DLG2: variants seen among roughly 807,000 people sequenced by gnomAD.
The protein encoded by DLG2 is discs large MAGUK scaffold protein 2.
A neutral mutation model predicts 132.5 loss-of-function variants in DLG2; 45 were observed. That is an observed-to-expected ratio of 0.34 (90% CI 0.27 to 0.44). DLG2 has a LOEUF of 0.44. Among genes scored for constraint, DLG2 ranks in the 20% least tolerant of loss-of-function variants. DLG2 has a pLI of 1.00. For missense variants in DLG2, 1,045 were observed against 1,196.9 expected (o/e 0.87, Z 1.87); for synonymous variants, 424 against 419.6 (o/e 1.01, Z -0.13).
chr11:85,446,508 T>TA (rs1452439983), intron 3 of DLG2, among the ~76,000 whole-genome samples: 2 of 152,232 alleles, frequency 1.3e-5, no homozygotes, highest in Admixed American at 1.3e-4. Flanking sequence ...AATAATCACT[T>TA]AAAATAATAG....
At chr11:85,498,054 G>T (rs1241863147) in intron 3 of DLG2, among the ~76,000 whole-genome samples, 1 of 152,152 alleles carries the variant, frequency 6.6e-6, no homozygotes, top group Admixed American at 6.6e-5. Context: ...CCATCATAAT[G>T]ACAGGATCAA....
rs180983949 is a variant in DLG2 at position 85,554,099 on chromosome 11, T to C, written c.40+44558A>G. ...GAAAACTTCTATCCAAGATCTCAAC[T>C]CAAGAAGTTTTTAAAAGGACAATAG... On this transcript the variant is annotated intron_variant, in intron 3 of 27. Transcript: ENST00000376104. Among the ~76,000 whole-genome samples, 61 of 150,816 alleles carry C rather than the reference T, an allele frequency of 4.0e-4. 1 individual carries two copies. The highest frequency in any genetic ancestry group is 1.5e-3 in the African/African-American group (60 of 41,264).
At chr11:85,291,216 T>C (rs963458059) in intron 3 of DLG2, among the ~76,000 whole-genome samples, 9 of 152,174 alleles carry the variant, frequency 5.9e-5, no homozygotes, top group Non-Finnish European at 1.3e-4. Context: ...ATACGATTCT[T>C]AAATCATGAG....
chr11:84,385,747 C>T (rs1366269436), intron 7 of DLG2, among the ~76,000 whole-genome samples: 1 of 152,032 alleles, frequency 6.6e-6, no homozygotes. Flanking sequence ...ATTGTATATA[C>T]CTTGAGTCCA....
chr11:85,313,516 C>A (rs1453387830), intron 3 of DLG2, among the ~76,000 whole-genome samples: 1 of 151,984 alleles, frequency 6.6e-6, no homozygotes, highest in Non-Finnish European at 1.5e-5. Context: ...CATTTAAGTA[C>A]ATTAATAAAC....
At chr11:84,662,380 G>A (rs956053308) in intron 6 of DLG2, among the ~76,000 whole-genome samples, 1 of 151,776 alleles carries the variant, frequency 6.6e-6, no homozygotes, top group Admixed American at 6.6e-5. Flanking sequence ...TCTCCATGTT[G>A]GTCAGGCTGG....
intron 6 of DLG2, among the ~76,000 whole-genome samples, chr11:84,679,785 G>A (rs528746971): frequency 6.6e-6 from 1 of 152,200 alleles, no homozygotes; most frequent in East Asian, 1.9e-4. Flanking sequence ...TATAAATATA[G>A]TAAGTTGTAG....
intron 21 of DLG2, among the ~76,000 whole-genome samples, chr11:83,528,994 G>A (rs943687520): frequency 1.3e-5 from 2 of 151,950 alleles, no homozygotes; most frequent in Admixed American, 6.6e-5. Context: ...CTTATAGCTC[G>A]TGTACATACT....
chr11:83,786,737 T>A lies in DLG2; in HGVS notation c.1778A>T (p.Lys593Met). 6.2e-7 allele frequency: 1 copy of A among 1,614,158 alleles called. No homozygotes were observed. Among genetic ancestry groups the A allele is most frequent in the Non-Finnish European group, 8.5e-7 (1 of 1,180,024 alleles). Residue 593 changes from lysine to methionine, a missense_variant, in exon 18 of 28, where the codon AAG (lysine) becomes ATG (methionine). Coordinates refer to ENST00000376104, the MANE Select transcript of DLG2 (RefSeq NM_001142699.3). ...AATCGTCACTGTCTGTCCAGCCCCC[T>A]TTAGTGCAGCAGCTGCCTGCTCGTG... ...ASHEQAAAALKGAGQTVTIIA... is the reference protein window; with the variant it reads ...ASHEQAAAALMGAGQTVTIIA...
intron 19 of DLG2, among the ~76,000 whole-genome samples, chr11:83,543,119 G>C (rs1021176029): frequency 2.6e-5 from 4 of 152,084 alleles, no homozygotes; most frequent in Non-Finnish European, 5.9e-5. Flanking sequence ...ATAATTAATT[G>C]CAACGTAGTC....
chr11:84,179,290 A>T (rs547385827), intron 8 of DLG2, among the ~76,000 whole-genome samples: 2 of 152,166 alleles, frequency 1.3e-5, no homozygotes, highest in Non-Finnish European at 2.9e-5. Context: ...ACAACAAATA[A>T]AAAGCTAAAC....
At chr11:84,164,727 T>C (rs2095622798) in intron 8 of DLG2, among the ~76,000 whole-genome samples, 1 of 152,254 alleles carries the variant, frequency 6.6e-6, no homozygotes, top group Non-Finnish European at 1.5e-5. Context: ...TAATTATAGT[T>C]ATAATCAGTG....
At chr11:84,282,193 T>C (rs577573296) in intron 7 of DLG2, among the ~76,000 whole-genome samples, 164 of 152,308 alleles carry the variant, frequency 1.1e-3, no homozygotes, top group African/African-American at 3.8e-3. Flanking sequence ...GAATGAAATA[T>C]TGACACATGC....
At chr11:84,099,097 C>G in intron 9 of DLG2, 50 bp from the exon 10 acceptor site, 1 of 1,557,716 alleles carries the variant, frequency 6.4e-7, no homozygotes, top group Non-Finnish European at 8.8e-7. Flanking sequence ...CACCTAAAAC[C>G]TAGTTCCTCT....
chr11:84,014,568 G>A (rs1032651057), intron 11 of DLG2, among the ~76,000 whole-genome samples: 18 of 152,124 alleles, frequency 1.2e-4, no homozygotes, highest in African/African-American at 3.1e-4. Context: ...TACGTACCAT[G>A]TGCCAGGCAC....
At chr11:85,461,983 G>T (rs553030086) in intron 3 of DLG2, among the ~76,000 whole-genome samples, 22 of 152,218 alleles carry the variant, frequency 1.4e-4, no homozygotes, top group African/African-American at 4.8e-4. Context: ...ACCAAAAAGT[G>T]GGCAAAGGAT....
chr11:85,195,523 G>GTTTT (rs34574453), intron 4 of DLG2, among the ~76,000 whole-genome samples: 3 of 133,704 alleles, frequency 2.2e-5, no homozygotes, highest in South Asian at 2.4e-4. Context: ...AAGTGACAGT[G>GTTTT]TTTTTTTTTT....
chr11:85,616,436 T>C (rs909070840), intron 2 of DLG2, among the ~76,000 whole-genome samples: 1 of 152,234 alleles, frequency 6.6e-6, no homozygotes, highest in Admixed American at 6.5e-5. Flanking sequence ...GGGAGATTGG[T>C]ACTTTGAGAT....
At chr11:84,263,737 G>C (rs1262148025) in intron 7 of DLG2, among the ~76,000 whole-genome samples, 2 of 151,972 alleles carry the variant, frequency 1.3e-5, no homozygotes, top group Non-Finnish European at 2.9e-5. Flanking sequence ...AACATAACAG[G>C]TGAGGCTATA....
Sources: allele counts gnomAD v4.1 joint callset (sites outside exome capture counted in the v4.1 genomes callset), GRCh38; gene constraint gnomAD v4.1.1; transcripts MANE v1.5; gene names NCBI Gene and HGNC (gene_info 2026-07-23, HGNC 2026-07-21).